The following NT5E variants were observed in gnomAD, a reference collection of about 807,000 sequenced individuals.
The protein encoded by NT5E is 5'-nucleotidase.
In NT5E, 53 loss-of-function variants were observed where a neutral mutation model predicts 55.1. That is an observed-to-expected ratio of 0.96 (90% CI 0.77 to 1.21). The LOEUF is 1.21. Ranked by LOEUF, NT5E falls within the 50% of genes most tolerant of loss-of-function variation. The probability of loss-of-function intolerance (pLI) is 0.00; values close to 1 mark genes in which losing one functional copy is unlikely to be tolerated. For missense variants in NT5E, 683 were observed against 724.3 expected (o/e 0.94, Z 0.65); for synonymous variants, 270 against 278.4 (o/e 0.97, Z 0.30).
intron 1 of NT5E, among the ~76,000 whole-genome samples, chr6:85,460,654 T>TC (rs1769080934): frequency 6.6e-6 from 1 of 152,164 alleles, no homozygotes; most frequent in South Asian, 2.1e-4. Flanking sequence ...TGTTTTTTTT[T>TC]CCCAAAGCTC....
intron 7 of NT5E, 88 bp from the exon 8 acceptor site, chr6:85,491,889 T>C (rs902938282): frequency 1.3e-5 from 15 of 1,141,718 alleles, no homozygotes; most frequent in Non-Finnish European, 1.9e-5. Context: ...CACAGCCCCA[T>C]GCCCCAATTG....
At chr6:85,460,533 T>C (rs1043506704) in intron 1 of NT5E, among the ~76,000 whole-genome samples, 3 of 152,352 alleles carry the variant, frequency 2.0e-5, no homozygotes, top group East Asian at 1.9e-4. Context: ...CTTTTCTCTT[T>C]ATCACATTTT....
At chr6:85,454,902 A>G (rs530180925) in intron 1 of NT5E, among the ~76,000 whole-genome samples, 2 of 152,322 alleles carry the variant, frequency 1.3e-5, no homozygotes, top group Non-Finnish European at 1.5e-5. Context: ...GGTCCCATAC[A>G]TATTTGAACA....
intron 1 of NT5E, among the ~76,000 whole-genome samples, chr6:85,466,259 G>A (rs1241998105): frequency 6.6e-6 from 1 of 152,156 alleles, no homozygotes; most frequent in East Asian, 1.9e-4. Context: ...AACCAGTGAG[G>A]AATGGGAGAG....
At chr6:85,493,008 G>C (rs563978995) in intron 8 of NT5E, among the ~76,000 whole-genome samples, 1 of 152,114 alleles carries the variant, frequency 6.6e-6, no homozygotes, top group South Asian at 2.1e-4. Context: ...GGAAGGGCAG[G>C]CGTAAAAGCC....
At position 85,471,238 on chromosome 6, in the gene NT5E, G is replaced by A; in HGVS notation, c.564G>A (p.Gly188=). 1 of 1,601,624 alleles carries A rather than the reference G, an allele frequency of 6.2e-7. No individual in the cohort carries two copies. The highest frequency in any genetic ancestry group is 1.3e-5 in the African/African-American group (1 of 74,766). Residue 188 remains glycine, a splice_region_variant and synonymous_variant, in exon 3 of 9, where the codon GGG becomes GGA. Coordinates refer to ENST00000257770, the MANE Select transcript of NT5E (RefSeq NM_002526.4). ...SKETPFLSNP[G]TNLVFEDEIT... ...CATTTTATTTATTTTGTTCCTTAGGGACAAATTTAGTGTTTGAAGATGAAA... is the reference window on the plus strand; with the variant it reads ...CATTTTATTTATTTTGTTCCTTAGGAACAAATTTAGTGTTTGAAGATGAAA...
At chr6:85,463,826 G>A (rs964479520) in intron 1 of NT5E, among the ~76,000 whole-genome samples, 1 of 152,020 alleles carries the variant, frequency 6.6e-6, no homozygotes, top group Non-Finnish European at 1.5e-5. Context: ...TGCAATAGAA[G>A]AAAAACTGGT....
At chr6:85,462,259 C>T (rs180968596) in intron 1 of NT5E, among the ~76,000 whole-genome samples, 1 of 152,270 alleles carries the variant, frequency 6.6e-6, no homozygotes, top group Non-Finnish European at 1.5e-5. Flanking sequence ...GCTTTCCAAG[C>T]ACCCCCGGAC....
chr6:85,465,482 C>G (rs1769175193), intron 1 of NT5E, among the ~76,000 whole-genome samples: 1 of 152,104 alleles, frequency 6.6e-6, no homozygotes, highest in Non-Finnish European at 1.5e-5. Context: ...ATTACCCAAG[C>G]CTGCAACAAC....
intron 5 of NT5E, among the ~76,000 whole-genome samples, chr6:85,488,293 CT>C (rs1487703986): frequency 1.3e-5 from 2 of 152,182 alleles, no homozygotes; most frequent in Non-Finnish European, 2.9e-5. Flanking sequence ...GAAGTCATTT[CT>C]GTCAGTGCTT....
At chr6:85,457,116 C>G (rs570544645) in intron 1 of NT5E, among the ~76,000 whole-genome samples, 1 of 152,280 alleles carries the variant, frequency 6.6e-6, no homozygotes, top group African/African-American at 2.4e-5. Flanking sequence ...GGTTTTAATG[C>G]TTCCACACAG....
chr6:85,489,825 C>T (rs1769746099), intron 6 of NT5E, among the ~76,000 whole-genome samples: 1 of 152,182 alleles, frequency 6.6e-6, no homozygotes, highest in African/African-American at 2.4e-5. Flanking sequence ...TATTCACACA[C>T]AGAAGCTGCA....
At chr6:85,490,240 A>C (rs1769754145) in intron 6 of NT5E, among the ~76,000 whole-genome samples, 1 of 152,230 alleles carries the variant, frequency 6.6e-6, no homozygotes, top group South Asian at 2.1e-4. Context: ...GCCCCAAGCT[A>C]GCAGATCTAA....
chr6:85,483,488 G>A (rs1365930799), intron 3 of NT5E, among the ~76,000 whole-genome samples: 1 of 152,214 alleles, frequency 6.6e-6, no homozygotes, highest in Non-Finnish European at 1.5e-5. Context: ...GACAACATCT[G>A]CATCCGCTAC....
chr6:85,466,108 C>T (rs1442273095), intron 1 of NT5E, among the ~76,000 whole-genome samples: 1 of 152,108 alleles, frequency 6.6e-6, no homozygotes, highest in Non-Finnish European at 1.5e-5. Flanking sequence ...GGAAGGTTTT[C>T]TGGGAAGCCA....
chr6:85,482,299 A>C (rs1264921928), intron 3 of NT5E, among the ~76,000 whole-genome samples: 3 of 152,102 alleles, frequency 2.0e-5, no homozygotes, highest in African/African-American at 7.2e-5. Context: ...ATTGGAGACC[A>C]CTGAACTCTA....
chr6:85,466,923 C>A (rs1322484799), intron 1 of NT5E, 137 bp from the exon 2 acceptor site: 3 of 797,008 alleles, frequency 3.8e-6, no homozygotes, highest in Non-Finnish European at 6.4e-6. Context: ...ATCTGAATGT[C>A]CCTGGGCCTG....
intron 1 of NT5E, among the ~76,000 whole-genome samples, chr6:85,454,827 A>G (rs532890946): frequency 6.6e-6 from 1 of 152,314 alleles, no homozygotes; most frequent in South Asian, 2.1e-4. Context: ...TGGCTATGCA[A>G]TTCACTTCTC....
At chr6:85,452,639 G>T (rs982704618) in intron 1 of NT5E, among the ~76,000 whole-genome samples, 2 of 152,160 alleles carry the variant, frequency 1.3e-5, no homozygotes, top group Non-Finnish European at 2.9e-5. Flanking sequence ...CTTACTCTGT[G>T]CAGTTTGGGG....
Sources: allele counts gnomAD v4.1 joint callset (sites outside exome capture counted in the v4.1 genomes callset), GRCh38; gene constraint gnomAD v4.1.1; transcripts MANE v1.5; gene names NCBI Gene and HGNC (gene_info 2026-07-23, HGNC 2026-07-21).